The following ASXL2 variants were observed in gnomAD, a reference collection of about 807,000 sequenced individuals.
The protein encoded by ASXL2 is putative Polycomb group protein ASXL2.
ASXL2 carries 23 observed loss-of-function variants against 122.0 expected under a neutral mutation model. The ratio of observed to expected loss-of-function variants is 0.19; its 90% CI spans 0.14 to 0.27. The LOEUF (loss-of-function observed/expected upper bound fraction) is 0.27, where lower values mean the gene tolerates loss of function less well. ASXL2 is among the 10% of genes least tolerant of loss of function. ASXL2 has a pLI of 1.00. For missense variants in ASXL2, 1,518 were observed against 1,713.8 expected (o/e 0.89, Z 2.02); for synonymous variants, 650 against 637.0 (o/e 1.02, Z -0.31).
rs570256890 is a variant in ASXL2, at chr2:25,787,427, T to G, written c.403+11958A>C. 7.9e-5 allele frequency among the ~76,000 whole-genome samples: 12 copies of G among 152,310 alleles called. No individual in the cohort carries two copies. The South Asian group carries it at 2.5e-3, about 32-fold the overall frequency. ...GGTAAGGGAAAGCTGACACGAAAAG[T>G]ATGCTGGTAGCCATATTGCTTACTC... On this transcript the variant is annotated intron_variant, in intron 5 of 12. Transcript: ENST00000435504.
Position 25,734,702 on chromosome 2 carries a change from A to C in ASXL2, c.*7327T>G, listed in dbSNP as rs2087707095. Reference sequence around the variant, plus strand: ...AAGTTGGTCTAATATAGTGTTTAGGAAGCCAAGTTCCATTTCACTTAACAG... The same window carrying C: ...AAGTTGGTCTAATATAGTGTTTAGGCAGCCAAGTTCCATTTCACTTAACAG... On this transcript the variant is annotated 3_prime_UTR_variant, in exon 13 of 13. Coordinates refer to ENST00000435504, the MANE Select transcript of ASXL2 (RefSeq NM_018263.6). 6.6e-6 allele frequency: 1 copy of C among 152,200 alleles called. No homozygotes were observed. The highest frequency in any genetic ancestry group is 1.5e-5 in the Non-Finnish European group (1 of 68,032). The allele number at this position is 152,200 out of a possible 1,614,324, so 9.4% of individuals were successfully genotyped here.
chr2:25,854,846 T>C (rs1465968679), intron 1 of ASXL2, among the ~76,000 whole-genome samples: 1 of 152,162 alleles, frequency 6.6e-6, no homozygotes, highest in East Asian at 1.9e-4. Context: ...CTATGACCTA[T>C]TCCACTCATC....
chr2:25,778,148 G>C (rs549915892), intron 5 of ASXL2, among the ~76,000 whole-genome samples: 1 of 152,276 alleles, frequency 6.6e-6, no homozygotes, highest in Admixed American at 6.5e-5. Flanking sequence ...CACATTGTAA[G>C]CTCCAGAATC....
intron 9 of ASXL2, among the ~76,000 whole-genome samples, chr2:25,757,046 A>T (rs1342034004): frequency 6.6e-6 from 1 of 152,198 alleles, no homozygotes; most frequent in African/African-American, 2.4e-5. Flanking sequence ...CTTTCTGTAT[A>T]ACAAAGTATA....
intron 3 of ASXL2, among the ~76,000 whole-genome samples, chr2:25,818,881 G>A (rs1234671856): frequency 1.3e-5 from 2 of 152,126 alleles, no homozygotes; most frequent in Non-Finnish European, 2.9e-5. Flanking sequence ...AGTGTGGGTA[G>A]GGCCTGTAAT....
intron 4 of ASXL2, among the ~76,000 whole-genome samples, chr2:25,804,293 T>C (rs2089046759): frequency 1.3e-5 from 2 of 152,238 alleles, no homozygotes; most frequent in African/African-American, 4.8e-5. Flanking sequence ...CCCCTTCAGC[T>C]GATAAATTTC....
chr2:25,804,769 G>A (rs1382527763), intron 4 of ASXL2, among the ~76,000 whole-genome samples: 1 of 152,226 alleles, frequency 6.6e-6, no homozygotes, highest in Non-Finnish European at 1.5e-5. Flanking sequence ...AAGCTTGAAG[G>A]CCGGGCACGG....
At chr2:25,746,561 G>A (rs1310110540) in intron 12 of ASXL2, among the ~76,000 whole-genome samples, 1 of 150,992 alleles carries the variant, frequency 6.6e-6, no homozygotes, top group Non-Finnish European at 1.5e-5. Context: ...GTGTTTAGGG[G>A]AATTTATATA....
At chr2:25,869,472 G>T (rs1431178828) in intron 1 of ASXL2, among the ~76,000 whole-genome samples, 2 of 152,056 alleles carry the variant, frequency 1.3e-5, no homozygotes, top group African/African-American at 2.4e-5. Context: ...TGTCTTAAAG[G>T]AGCACAAAGT....
chr2:25,756,977 C>T (rs1038507904), intron 9 of ASXL2, among the ~76,000 whole-genome samples: 1 of 152,124 alleles, frequency 6.6e-6, no homozygotes, highest in African/African-American at 2.4e-5. Flanking sequence ...CACTATAAGC[C>T]AATCTATTCT....
intron 3 of ASXL2, among the ~76,000 whole-genome samples, chr2:25,813,562 C>T (rs2089198095): frequency 6.6e-6 from 1 of 152,128 alleles, no homozygotes; most frequent in Admixed American, 6.5e-5. Context: ...ACTGCGGATA[C>T]TGTAATTATG....
chr2:25,855,630 C>T (rs2089767236), intron 1 of ASXL2, among the ~76,000 whole-genome samples: 1 of 152,026 alleles, frequency 6.6e-6, no homozygotes, highest in Non-Finnish European at 1.5e-5. Context: ...CATGCCACTG[C>T]ACTCCAGGCT....
chr2:25,872,516 A>G (rs2089969730), intron 1 of ASXL2, among the ~76,000 whole-genome samples: 1 of 152,252 alleles, frequency 6.6e-6, no homozygotes, highest in Non-Finnish European at 1.5e-5. Context: ...CAGAGAACAG[A>G]AAAACAATTC....
At chr2:25,848,113 A>G (rs1291956463) in intron 1 of ASXL2, among the ~76,000 whole-genome samples, 1 of 152,230 alleles carries the variant, frequency 6.6e-6, no homozygotes, top group Admixed American at 6.5e-5. Flanking sequence ...AAATTAATAA[A>G]TATTTCTAGA....
At position 25,834,357 on chromosome 2, in the gene ASXL2, AAAAT is replaced by A. The variant is rs1196696387; in HGVS notation, c.143+1177_143+1180del. Reference sequence around the variant, plus strand: ...GACAGAGTGAGACTCTGTCTCCAAAAAAATAAATAAATAAATAAGAACAAATCAA... The same window carrying A: ...GACAGAGTGAGACTCTGTCTCCAAAAAAATAAATAAATAAGAACAAATCAA... On this transcript the variant is annotated intron_variant, in intron 3 of 12. Coordinates refer to ENST00000435504, the MANE Select transcript of ASXL2 (RefSeq NM_018263.6). Among the ~76,000 whole-genome samples the A allele has an allele frequency of 1.2e-4, 18 of 152,280 alleles. No individual in the cohort carries two copies. The East Asian group carries it at 3.3e-3, about 28-fold the overall frequency.
intron 5 of ASXL2, among the ~76,000 whole-genome samples, chr2:25,783,084 G>GT (rs2088673282): frequency 6.6e-6 from 1 of 152,088 alleles, no homozygotes; most frequent in Non-Finnish European, 1.5e-5. Context: ...AGCCAAGATC[G>GT]TACCACTGCA....
chr2:25,778,108 T>A (rs1435176464), intron 5 of ASXL2, among the ~76,000 whole-genome samples: 1 of 152,206 alleles, frequency 6.6e-6, no homozygotes, highest in Non-Finnish European at 1.5e-5. Context: ...TATAGCTGGC[T>A]GATAATGGTG....
At chr2:25,861,871 A>G (rs1299288063) in intron 1 of ASXL2, among the ~76,000 whole-genome samples, 1 of 152,196 alleles carries the variant, frequency 6.6e-6, no homozygotes, top group Non-Finnish European at 1.5e-5. Context: ...TCATGAACAT[A>G]GATGCAAAAA....
intron 3 of ASXL2, among the ~76,000 whole-genome samples, chr2:25,815,010 G>T (rs549023260): frequency 3.0e-4 from 45 of 152,272 alleles, no homozygotes; most frequent in Admixed American, 4.6e-4. Flanking sequence ...ATGTCACAGA[G>T]TCAAGATTCA....
Sources: allele counts gnomAD v4.1 joint callset (sites outside exome capture counted in the v4.1 genomes callset), GRCh38; gene constraint gnomAD v4.1.1; transcripts MANE v1.5; gene names NCBI Gene and HGNC (gene_info 2026-07-23, HGNC 2026-07-21).